Variants in IGLL5 observed in about 807,000 individuals in gnomAD.
The protein encoded by IGLL5 is immunoglobulin lambda-like polypeptide 5.
A neutral mutation model predicts 20.9 loss-of-function variants in IGLL5; 30 were observed. The observed-to-expected ratio is 1.44, with a 90% CI of 1.07 to 1.95. IGLL5 has a LOEUF of 1.95. IGLL5 is among the 30% of genes most tolerant of loss of function. The pLI, the probability that IGLL5 is intolerant of heterozygous loss-of-function variation, is 0.00. For missense variants in IGLL5, 475 were observed against 270.7 expected (o/e 1.75, Z -5.30); for synonymous variants, 203 against 117.3 (o/e 1.73, Z -4.72).
intron 2 of IGLL5, 107 bp downstream of exon 2, chr22:22,893,925 A>G (rs186752102): frequency 2.3e-5 from 19 of 813,502 alleles, no homozygotes; most frequent in Admixed American, 3.7e-5. Context: ...AGCCTTAAGC[A>G]CTGACCCTTA....
chr22:22,894,895 A>G (rs2066706374), intron 2 of IGLL5, among the ~76,000 whole-genome samples: 2 of 151,328 alleles, frequency 1.3e-5, no homozygotes, highest in Admixed American at 6.6e-5. Flanking sequence ...CTCCAGTTCA[A>G]AGCAGGCTTG....
intron 1 of IGLL5, among the ~76,000 whole-genome samples, chr22:22,888,725 G>C (rs2067637612): frequency 6.6e-6 from 1 of 151,324 alleles, no homozygotes; most frequent in Admixed American, 6.6e-5. Context: ...TCTCCCCCAA[G>C]GCTGTCTGTT....
intron 2 of IGLL5, 34 bp downstream of exon 2, chr22:22,893,852 A>G (rs753808216): frequency 3.6e-6 from 5 of 1,382,388 alleles, no homozygotes; most frequent in Admixed American, 1.7e-5. Flanking sequence ...AGCCTGTCTC[A>G]CCCTCTGCTG....
At chr22:22,889,869 T>C (rs554199538) in intron 1 of IGLL5, among the ~76,000 whole-genome samples, 2 of 151,404 alleles carry the variant, frequency 1.3e-5, no homozygotes, top group East Asian at 2.0e-4. Context: ...GTGCTGGAAT[T>C]ACAGGCGTGA....
At chr22:22,894,331 T>G (rs1330475597) in intron 2 of IGLL5, among the ~76,000 whole-genome samples, 3 of 151,226 alleles carry the variant, frequency 2.0e-5, no homozygotes, top group East Asian at 2.0e-4. Context: ...GGGAGACCAA[T>G]GGAGGGCACA....
chr22:22,889,919 T>C (rs2067762937), intron 1 of IGLL5, among the ~76,000 whole-genome samples: 1 of 151,364 alleles, frequency 6.6e-6, no homozygotes, highest in East Asian at 2.0e-4. Context: ...AAAGTATATA[T>C]GCATTTTCAA....
At chr22:22,895,326 AC>A (rs910165732) in intron 2 of IGLL5, 48 bp from the exon 3 acceptor site, 14 of 1,543,724 alleles carry the variant, frequency 9.1e-6, no homozygotes, top group African/African-American at 1.4e-5. Flanking sequence ...GCTCCACAAC[AC>A]CCCGGTATTC....
chr22:22,888,366 AGAGGGGCCTGGGCTGACACT>A, intron 1 of IGLL5, 107 bp downstream of exon 1: 1 of 1,008,684 alleles, frequency 9.9e-7, no homozygotes, highest in East Asian at 2.6e-5. Context: ...TTAACCCCTA[AGAGGGGCCTGGGCTGACACT>A]GGCTTTAGTA....
At chr22:22,890,475 T>C (rs2146007674) in intron 1 of IGLL5, among the ~76,000 whole-genome samples, 1 of 149,542 alleles carries the variant, frequency 6.7e-6, no homozygotes, top group African/African-American at 2.5e-5. Flanking sequence ...TAAACTTTGT[T>C]TTATAAGCAA....
intron 1 of IGLL5, among the ~76,000 whole-genome samples, chr22:22,888,591 G>T (rs2067619745): frequency 1.3e-5 from 2 of 151,346 alleles, no homozygotes; most frequent in Admixed American, 6.6e-5. Flanking sequence ...CACAGGGGGT[G>T]GTGGCCACTG....
At chr22:22,894,219 AGG>A (rs2068001387) in intron 2 of IGLL5, among the ~76,000 whole-genome samples, 1 of 147,584 alleles carries the variant, frequency 6.8e-6, no homozygotes, top group Admixed American at 6.8e-5. Context: ...CTCATAGTCT[AGG>A]GGAGCAGCCC....
chr22:22,894,143 A>G (rs559361987), intron 2 of IGLL5, among the ~76,000 whole-genome samples: 3 of 151,474 alleles, frequency 2.0e-5, no homozygotes, highest in Admixed American at 6.6e-5. Context: ...GTCCTTAGGG[A>G]CATTGCCCAG....
Position 22,893,138 on chromosome 22 carries a change from C to T in IGLL5, c.207-562C>T, listed in dbSNP as rs181164199. ...ATGAGTGGACAGATGCATGGATGGA[C>T]GGATGGATGGAAGGATGATAGATTG... is the stretch of plus-strand genomic sequence containing the variant. On this transcript the variant is annotated intron_variant, in intron 1 of 2. Transcript: ENST00000526893. Among the ~76,000 whole-genome samples the T allele has an allele frequency of 3.3e-3, 501 of 150,908 alleles. 5 individuals carry two copies. The highest frequency in any genetic ancestry group is 0.011 in the African/African-American group (470 of 41,148).
intron 1 of IGLL5, among the ~76,000 whole-genome samples, chr22:22,889,288 A>T (rs571428986): frequency 6.6e-6 from 1 of 151,070 alleles, no homozygotes; most frequent in East Asian, 2.0e-4. Flanking sequence ...GGGAGCATGA[A>T]GTTGAAGTGA....
chr22:22,894,201 T>C lies in IGLL5; in HGVS notation c.325+383T>C, dbSNP rs772546797. Among the ~76,000 whole-genome samples, 11 of 151,300 alleles carry C rather than the reference T, an allele frequency of 7.3e-5. 1 individual carries two copies. The highest frequency in any genetic ancestry group is 3.8e-3 in the Middle Eastern group (1 of 266). On this transcript the variant is annotated intron_variant, in intron 2 of 2. Coordinates refer to ENST00000526893, the MANE Select transcript of IGLL5 (RefSeq NM_001178126.2). ...AGGCTGCTGGGGTGGGCCTGGGAGC[T>C]GCTGAGTCTCATAGTCTAGGGGAGC...
At chr22:22,891,017 A>G (rs1213274576) in intron 1 of IGLL5, among the ~76,000 whole-genome samples, 1 of 151,076 alleles carries the variant, frequency 6.6e-6, no homozygotes, top group South Asian at 2.1e-4. Context: ...TAGTGTATGT[A>G]TTGTAAATAT....
At chr22:22,889,046 G>C (rs2067679619) in intron 1 of IGLL5, among the ~76,000 whole-genome samples, 2 of 151,442 alleles carry the variant, frequency 1.3e-5, no homozygotes, top group East Asian at 2.0e-4. Flanking sequence ...ACCATTCCCA[G>C]TCCAGGACGA....
At chr22:22,890,653 A>G (rs2146009782) in intron 1 of IGLL5, among the ~76,000 whole-genome samples, 2 of 148,894 alleles carry the variant, frequency 1.3e-5, no homozygotes, top group South Asian at 2.2e-4. Context: ...CTAAAAGTGG[A>G]ATTGCTGGAT....
Position 22,888,259 on chromosome 22 carries a change from G to C in IGLL5, c.206G>C (p.Arg69Thr), listed in dbSNP as rs745485743. The C allele has an allele frequency of 5.2e-6, 8 of 1,547,282 alleles. No homozygotes were observed. Among genetic ancestry groups the C allele is most frequent in the African/African-American group, 4.1e-5 (3 of 72,816 alleles). The change falls in exon 1 of 3, where the codon AGG (arginine) becomes ACG (threonine). Residue 69 changes from arginine (R) to threonine (T), a missense_variant and splice_region_variant. By Grantham distance (71) the Arg-to-Thr change is moderately conservative. Coordinates refer to ENST00000526893, the MANE Select transcript of IGLL5 (RefSeq NM_001178126.2). ...SRSSLRSLWG[R>T]LLLQPSPQRA... Reference sequence around the variant, plus strand: ...TCCAGCCTGCGGAGCCTGTGGGGCAGGTAAGGGGCAAGAGATTCCAGGGGA... The same window carrying C: ...TCCAGCCTGCGGAGCCTGTGGGGCACGTAAGGGGCAAGAGATTCCAGGGGA...
Sources: gnomAD v4.1 joint callset for allele counts (sites outside exome capture counted in the v4.1 genomes callset) on GRCh38, gnomAD v4.1.1 for gene constraint, MANE v1.5 for transcripts, NCBI Gene and HGNC (gene_info 2026-07-23, HGNC 2026-07-21) for gene names.